The following LINGO2 variants were observed in gnomAD, a reference collection of about 807,000 sequenced individuals.
The protein encoded by LINGO2 is leucine-rich repeat and immunoglobulin-like domain-containing nogo receptor-interacting protein 2.
LINGO2 carries 14 observed loss-of-function variants against 30.6 expected under a neutral mutation model. The observed-to-expected ratio is 0.46, with a 90% CI of 0.30 to 0.72. The LOEUF is 0.72. LINGO2 is among the 30% of genes least tolerant of loss of function. The pLI, the probability that LINGO2 is intolerant of heterozygous loss-of-function variation, is 0.07. For missense variants in LINGO2, 729 were observed against 751.7 expected (o/e 0.97, Z 0.35); for synonymous variants, 317 against 288.5 (o/e 1.10, Z -1.00).
At chr9:29,156,833 C>T in the LINGO2 span, among the ~76,000 whole-genome samples, 1 of 152,036 alleles carries the variant, frequency 6.6e-6, no homozygotes, top group Non-Finnish European at 1.5e-5. Context: ...CAAATATATT[C>T]ACTCTTTCAG....
rs562086975 is a variant in LINGO2 at position 28,308,942 on chromosome 9, G to T, written c.-245-13576C>A. On this transcript the variant is annotated intron_variant, in intron 3 of 5. Coordinates refer to ENST00000379992, the Ensembl canonical transcript of LINGO2. ...AAAAGTCAGGAAACAGCAGGTGCTGGAAAGGATGTGGAGAAATAGGAACAC... is the reference window on the plus strand; with the variant it reads ...AAAAGTCAGGAAACAGCAGGTGCTGTAAAGGATGTGGAGAAATAGGAACAC... Among the ~76,000 whole-genome samples, 26 of 152,296 alleles carry T rather than the reference G, an allele frequency of 1.7e-4. 1 individual carries two copies. Among genetic ancestry groups the T allele is most frequent in the African/African-American group, 6.0e-4 (25 of 41,574 alleles).
At chr9:28,009,378 C>T (rs962203098) in intron 5 of LINGO2, among the ~76,000 whole-genome samples, 1 of 150,170 alleles carries the variant, frequency 6.7e-6, no homozygotes, top group Non-Finnish European at 1.5e-5. Context: ...ATAAAATGGG[C>T]TCTATCAAAA....
intron 5 of LINGO2, among the ~76,000 whole-genome samples, chr9:27,968,109 C>G (rs1820186476): frequency 6.6e-6 from 1 of 152,000 alleles, no homozygotes; most frequent in African/African-American, 2.4e-5. Context: ...TTCTGGCTAC[C>G]TTTTATATGC....
chr9:28,054,876 T>TA (rs1324496295), intron 4 of LINGO2, among the ~76,000 whole-genome samples: 2 of 152,124 alleles, frequency 1.3e-5, no homozygotes, highest in African/African-American at 4.8e-5. Flanking sequence ...ATGGAGCCTT[T>TA]TCAAATATCC....
At chr9:28,356,072 A>T (rs774377919) in intron 3 of LINGO2, among the ~76,000 whole-genome samples, 13 of 152,174 alleles carry the variant, frequency 8.5e-5, no homozygotes. Flanking sequence ...AGATTATGGA[A>T]TTATCTCCAG....
the LINGO2 span, among the ~76,000 whole-genome samples, chr9:29,044,160 T>G: frequency 1.3e-5 from 2 of 151,978 alleles, no homozygotes; most frequent in Non-Finnish European, 2.9e-5. Flanking sequence ...GGATTTTTTC[T>G]GAGAATTAAA....
the LINGO2 span, among the ~76,000 whole-genome samples, chr9:28,791,936 T>C: frequency 4.6e-5 from 7 of 151,572 alleles, no homozygotes; most frequent in Non-Finnish European, 1.5e-5. Flanking sequence ...ATATATGATA[T>C]ATAATCACAG....
chr9:29,179,003 G>A, the LINGO2 span, among the ~76,000 whole-genome samples: 1 of 151,232 alleles, frequency 6.6e-6, no homozygotes, highest in Admixed American at 6.6e-5. Context: ...CCAGAGGAAG[G>A]CTTCTGTGGC....
the LINGO2 span, among the ~76,000 whole-genome samples, chr9:29,001,005 G>A: frequency 1.3e-5 from 2 of 151,876 alleles, no homozygotes; most frequent in Non-Finnish European, 1.5e-5. Flanking sequence ...GGATAGAGCA[G>A]ATCATACACA....
At chr9:29,082,874 T>C in the LINGO2 span, among the ~76,000 whole-genome samples, 46 of 152,100 alleles carry the variant, frequency 3.0e-4, no homozygotes, top group African/African-American at 1.0e-3. Context: ...AAATCAAAAT[T>C]ACAATGAGAT....
At chr9:28,097,503 C>A (rs532038392) in intron 4 of LINGO2, among the ~76,000 whole-genome samples, 1,673 of 143,850 alleles carry the variant, frequency 0.012, 15 homozygotes, top group South Asian at 0.027. Flanking sequence ...TACTATGCAG[C>A]CATAAAAAAT....
intron 3 of LINGO2, among the ~76,000 whole-genome samples, chr9:28,321,914 G>A (rs370285450): frequency 1.9e-4 from 26 of 140,232 alleles, no homozygotes; most frequent in South Asian, 7.6e-4. Flanking sequence ...TGGAAAAAAA[G>A]AAAAAAAACA....
At chr9:28,462,570 C>G (rs1825127404) in intron 2 of LINGO2, among the ~76,000 whole-genome samples, 1 of 151,884 alleles carries the variant, frequency 6.6e-6, no homozygotes, top group South Asian at 2.1e-4. Flanking sequence ...TCTCTTCAAC[C>G]ATTATTTTAC....
chr9:29,207,168 G>A, the LINGO2 span, among the ~76,000 whole-genome samples: 2 of 151,584 alleles, frequency 1.3e-5, no homozygotes, highest in Non-Finnish European at 2.9e-5. Flanking sequence ...AAGAAGATGT[G>A]TTCATATGAT....
chr9:28,735,822 A>G, the LINGO2 span, among the ~76,000 whole-genome samples: 3 of 152,202 alleles, frequency 2.0e-5, no homozygotes, highest in Non-Finnish European at 2.9e-5. Flanking sequence ...AAGCCATCAC[A>G]TATTTGAAGG....
chr9:28,342,420 G>C (rs1825798526), intron 3 of LINGO2, among the ~76,000 whole-genome samples: 1 of 152,114 alleles, frequency 6.6e-6, no homozygotes, highest in Non-Finnish European at 1.5e-5. Flanking sequence ...CGCAATTATG[G>C]AGATGTACAA....
At chr9:28,030,252 C>T (rs190375430) in intron 4 of LINGO2, among the ~76,000 whole-genome samples, 14 of 150,482 alleles carry the variant, frequency 9.3e-5, no homozygotes, top group African/African-American at 3.3e-4. Context: ...GAAAACACTT[C>T]TTAAGTGAGG....
chr9:28,688,406 G>A, the LINGO2 span, among the ~76,000 whole-genome samples: 1 of 152,244 alleles, frequency 6.6e-6, no homozygotes, highest in Admixed American at 6.5e-5. Flanking sequence ...GGCACAAACT[G>A]TGTCTGTGTT....
intron 3 of LINGO2, among the ~76,000 whole-genome samples, chr9:28,310,875 T>C (rs1824587821): frequency 6.6e-6 from 1 of 152,188 alleles, no homozygotes; most frequent in Non-Finnish European, 1.5e-5. Context: ...CAAAACTTTT[T>C]TGAGCACAGA....
Sources: allele counts gnomAD v4.1 joint callset (sites outside exome capture counted in the v4.1 genomes callset), GRCh38; gene constraint gnomAD v4.1.1; transcripts MANE v1.5; gene names NCBI Gene and HGNC (gene_info 2026-07-23, HGNC 2026-07-21).